Variants in P3H2 observed in about 807,000 individuals in gnomAD.
P3H2 encodes the protein leprecan-like 1.
In P3H2, 80 loss-of-function variants were observed where a neutral mutation model predicts 87.0. That is an observed-to-expected ratio of 0.92 (90% CI 0.77 to 1.11). The LOEUF (loss-of-function observed/expected upper bound fraction) is 1.11. Ranked by LOEUF, P3H2 falls within the 50% of genes least tolerant of loss-of-function variation. The probability of loss-of-function intolerance (pLI) is 0.00; values close to 1 mark genes in which losing one functional copy is unlikely to be tolerated. For synonymous variants in P3H2, 367 were observed against 359.3 expected (o/e 1.02, Z -0.24); for missense variants, 1,001 against 923.9 (o/e 1.08, Z -1.08).
rs535129419 is a variant in P3H2, at chr3:190,007,648, G to GA, written c.481-12207dup. Among the ~76,000 whole-genome samples, 642 of 149,810 alleles carry GA rather than the reference G, an allele frequency of 4.3e-3. 5 individuals are homozygous for GA. Among genetic ancestry groups the GA allele is most frequent in the African/African-American group, 0.014 (582 of 40,936 alleles). On this transcript the variant is annotated intron_variant, in intron 1 of 14. Coordinates refer to ENST00000319332, the MANE Select transcript of P3H2 (RefSeq NM_018192.4). The stretch of plus-strand genomic sequence containing the variant: ...TAAGTTAGAGCAACCAAGAAGGACA[G>GA]AAAAAAAAATGTTTATTTTGATGTT...
chr3:190,075,633 G>A (rs77593392), intron 1 of P3H2, among the ~76,000 whole-genome samples: 1,649 of 152,236 alleles, frequency 0.011, 35 homozygotes, highest in African/African-American at 0.037. Flanking sequence ...AAAATATATG[G>A]CACTGGAGAA....
rs556610168 is a variant in P3H2 at position 190,120,237 on chromosome 3, G to C, written c.480+15C>G. On this transcript the variant is annotated intron_variant, in intron 1 of 14. Transcript: ENST00000319332. ...GCCGCAGGGGCTTTGCAGTGGAGGA[G>C]CGCTCTGTGGGTACCTTGATGTAGG... The C allele has an allele frequency of 3.1e-5, 50 of 1,607,336 alleles. No individual in the cohort carries two copies. The highest frequency in any genetic ancestry group is 4.2e-5 in the Non-Finnish European group (49 of 1,177,946).
At chr3:190,115,540 G>C (rs1258193891) in intron 1 of P3H2, among the ~76,000 whole-genome samples, 1 of 152,006 alleles carries the variant, frequency 6.6e-6, no homozygotes, top group African/African-American at 2.4e-5. Flanking sequence ...CATGAAACAG[G>C]TACAATATGT....
intron 8 of P3H2, 84 bp from the exon 9 acceptor site, chr3:189,974,769 A>C: frequency 6.6e-7 from 1 of 1,517,020 alleles, no homozygotes; most frequent in Non-Finnish European, 9.2e-7. Flanking sequence ...TTCAATGTGC[A>C]ATTCGAGTGA....
intron 1 of P3H2, among the ~76,000 whole-genome samples, chr3:190,103,612 C>A (rs80047945): frequency 5.3e-5 from 8 of 152,212 alleles, no homozygotes; most frequent in Admixed American, 2.0e-4. Context: ...AGTGAAAGGG[C>A]AGGCTGGTGG....
chr3:190,108,220 T>C (rs915173771), intron 1 of P3H2, among the ~76,000 whole-genome samples: 1 of 152,108 alleles, frequency 6.6e-6, no homozygotes, highest in Non-Finnish European at 1.5e-5. Flanking sequence ...GGTGCAATCA[T>C]GGCTCACTGT....
At position 189,957,827 on chromosome 3, in the gene P3H2, A is replaced by G; in HGVS notation, c.*85T>C. 2.2e-6 allele frequency: 2 copies of G among 906,552 alleles called. No individual in the cohort carries two copies. The highest frequency in any genetic ancestry group is 3.6e-6 in the Non-Finnish European group (2 of 558,616). 56.2% of individuals were successfully genotyped at this position (906,552 alleles called of 1,614,324 possible). On this transcript the variant is annotated 3_prime_UTR_variant, in exon 15 of 15. Coordinates refer to ENST00000319332, the MANE Select transcript of P3H2 (RefSeq NM_018192.4). ...ATGACTGACATTAACCTGTTAATTT[A>G]TACCATGGCTCTGTACAAAAATAAA...
chr3:190,025,737 G>A lies in P3H2; in HGVS notation c.481-30295C>T, dbSNP rs968562819. Among the ~76,000 whole-genome samples the A allele has an allele frequency of 5.3e-5, 8 of 152,274 alleles. No individual in the cohort carries two copies. In the East Asian group the frequency reaches 1.5e-3, roughly 29 times the overall value. ...AAAATGAATTCGAGATATTTTTGGA[G>A]CTGATTCATTTACAAATGGACTAAC... On this transcript the variant is annotated intron_variant, in intron 1 of 14. Transcript: ENST00000319332.
rs926165713 is a variant in P3H2 at position 189,974,586 on chromosome 3, T to C, written c.1424A>G (p.Gln475Arg). 1.1e-5 allele frequency: 18 copies of C among 1,613,978 alleles called. No homozygotes were observed. Among genetic ancestry groups the C allele is most frequent in the Non-Finnish European group, 1.5e-5 (18 of 1,180,022 alleles). The change falls in exon 9 of 15, where the codon CAG becomes CGG. Residue 475 changes from glutamine to arginine, a missense_variant. Physicochemically the swap from Gln to Arg is conservative, Grantham distance 43. Transcript: ENST00000319332. ...VLLDNVLSEE[Q>R]CRELHSVASG... ...GGCCACGCTGTGGAGCTCCCGGCAC[T>C]GTTCTTCCGACAGGACGTTATCCAG...
At chr3:189,987,005 G>A (rs1389528070) in intron 5 of P3H2, 128 bp from the exon 6 acceptor site, 6 of 691,174 alleles carry the variant, frequency 8.7e-6, no homozygotes, top group South Asian at 6.6e-5. Context: ...AGAACTGCAA[G>A]ACTTGGCCCC....
intron 1 of P3H2, among the ~76,000 whole-genome samples, chr3:190,031,634 G>T (rs1725256289): frequency 3.4e-5 from 2 of 59,256 alleles, no homozygotes; most frequent in Admixed American, 4.4e-4. Context: ...GAGACTCCAT[G>T]TCGAAAAAAA....
At chr3:190,075,478 T>C (rs1726840952) in intron 1 of P3H2, among the ~76,000 whole-genome samples, 2 of 135,376 alleles carry the variant, frequency 1.5e-5, no homozygotes, top group South Asian at 4.7e-4. Context: ...AGAGGGAAAC[T>C]CCGTCTCAAA....
At chr3:190,093,629 C>A (rs1727483456) in intron 1 of P3H2, among the ~76,000 whole-genome samples, 1 of 152,026 alleles carries the variant, frequency 6.6e-6, no homozygotes, top group Non-Finnish European at 1.5e-5. Flanking sequence ...TCAAAGGTGT[C>A]CAGGATGGAG....
At chr3:190,025,860 G>T (rs984054772) in intron 1 of P3H2, among the ~76,000 whole-genome samples, 1 of 151,860 alleles carries the variant, frequency 6.6e-6, no homozygotes, top group South Asian at 2.1e-4. Context: ...CCTGACCATG[G>T]ACCAAAAAAA....
At chr3:189,984,874 G>T (rs1185254616) in intron 6 of P3H2, among the ~76,000 whole-genome samples, 1 of 152,050 alleles carries the variant, frequency 6.6e-6, no homozygotes, top group Admixed American at 6.6e-5. Context: ...AAGTGACTTG[G>T]AATTTGGTGG....
chr3:190,080,713 AT>A (rs1179951966), intron 1 of P3H2, among the ~76,000 whole-genome samples: 6 of 151,966 alleles, frequency 3.9e-5, no homozygotes, highest in South Asian at 2.1e-4. Flanking sequence ...AGATTTGAGC[AT>A]TTTTTCTAAC....
At chr3:190,034,197 G>A (rs113952810) in intron 1 of P3H2, among the ~76,000 whole-genome samples, 358 of 147,198 alleles carry the variant, frequency 2.4e-3, no homozygotes, top group Non-Finnish European at 3.8e-3. Flanking sequence ...TAGATAAAGG[G>A]ATAGTTGAAA....
intron 1 of P3H2, among the ~76,000 whole-genome samples, chr3:190,072,438 G>C (rs974868413): frequency 6.6e-6 from 1 of 152,158 alleles, no homozygotes; most frequent in Admixed American, 6.5e-5. Context: ...TGTTGAATTA[G>C]AGTATTAAGT....
chr3:189,981,647 T>C lies in P3H2; in HGVS notation c.1324+1399A>G, dbSNP rs549337709. ...TATCACACGTAGTCTTCTGTTCTGC[T>C]CTTCTATTAACCTTCTAGTCAGTTG... On this transcript the variant is annotated intron_variant, in intron 8 of 14. Coordinates refer to ENST00000319332, the MANE Select transcript of P3H2 (RefSeq NM_018192.4). Among the ~76,000 whole-genome samples, 5 of 152,310 alleles carry C rather than the reference T, an allele frequency of 3.3e-5. No homozygotes were observed. The South Asian group carries it at 1.0e-3, about 32-fold the overall frequency.
Sources: gnomAD v4.1 joint callset for allele counts (sites outside exome capture counted in the v4.1 genomes callset) on GRCh38, gnomAD v4.1.1 for gene constraint, MANE v1.5 for transcripts, NCBI Gene and HGNC (gene_info 2026-07-23, HGNC 2026-07-21) for gene names.